Variants in ARB2A observed in about 807,000 individuals in gnomAD.
ARB2A encodes the protein ARB2 cotranscriptional regulator A.
the ARB2A span, among the ~76,000 whole-genome samples, chr5:93,808,073 T>C: frequency 6.6e-6 from 1 of 151,896 alleles, no homozygotes; most frequent in Non-Finnish European, 1.5e-5. Context: ...TCCTGCAACC[T>C]AGGGAGGGAA....
chr5:93,864,150 CATATT>C, the ARB2A span, among the ~76,000 whole-genome samples: 1 of 152,142 alleles, frequency 6.6e-6, no homozygotes, highest in Admixed American at 6.5e-5. Context: ...TCATTAACTT[CATATT>C]ATATTTCCTA....
At chr5:93,981,002 T>A in the ARB2A span, among the ~76,000 whole-genome samples, 1 of 152,108 alleles carries the variant, frequency 6.6e-6, no homozygotes, top group Non-Finnish European at 1.5e-5. Flanking sequence ...ATTTCCTTTG[T>A]CAGCCAAAGT....
At chr5:94,015,282 T>C in the ARB2A span, among the ~76,000 whole-genome samples, 29 of 152,112 alleles carry the variant, frequency 1.9e-4, no homozygotes, top group Admixed American at 1.7e-3. Flanking sequence ...CATCTAAGCA[T>C]ACTGTACCCA....
At chr5:93,850,403 TAGGTAGGTGTGC>T in the ARB2A span, among the ~76,000 whole-genome samples, 1 of 152,022 alleles carries the variant, frequency 6.6e-6, no homozygotes, top group Admixed American at 6.6e-5. Context: ...GAGAAAGACG[TAGGTAGGTGTGC>T]AGGTATGTAC....
chr5:93,750,311 C>T, the ARB2A span, among the ~76,000 whole-genome samples: 2 of 152,068 alleles, frequency 1.3e-5, no homozygotes, highest in East Asian at 1.9e-4. Context: ...TTTGTATGTG[C>T]TTGATATTGT....
At chr5:93,694,518 A>G in the ARB2A span, among the ~76,000 whole-genome samples, 5 of 152,192 alleles carry the variant, frequency 3.3e-5, no homozygotes, top group African/African-American at 1.2e-4. Flanking sequence ...ACTACAAACC[A>G]CTGCTCAAGG....
chr5:93,663,882 A>C, the ARB2A span, among the ~76,000 whole-genome samples: 1 of 152,176 alleles, frequency 6.6e-6, no homozygotes, highest in African/African-American at 2.4e-5. Context: ...TCTAAATATA[A>C]TTTCTTCAAT....
chr5:93,841,308 C>A, the ARB2A span, among the ~76,000 whole-genome samples: 5 of 152,066 alleles, frequency 3.3e-5, no homozygotes, highest in Non-Finnish European at 7.4e-5. Flanking sequence ...CCCAACATGG[C>A]CAGACTTTAT....
At chr5:94,051,143 C>T in the ARB2A span, among the ~76,000 whole-genome samples, 4 of 152,228 alleles carry the variant, frequency 2.6e-5, no homozygotes, top group East Asian at 7.7e-4. Flanking sequence ...GGGCCCAGTC[C>T]TCAAGAAGCT....
chr5:93,760,601 A>T, the ARB2A span, among the ~76,000 whole-genome samples: 814 of 152,318 alleles, frequency 5.3e-3, 5 homozygotes, highest in African/African-American at 0.018. Flanking sequence ...AAATTCAAAT[A>T]CTTACAGCCA....
chr5:93,834,876 A>G, the ARB2A span, among the ~76,000 whole-genome samples: 2 of 152,148 alleles, frequency 1.3e-5, no homozygotes, highest in African/African-American at 2.4e-5. Flanking sequence ...ATTCAATAGG[A>G]AAGGCTTTCT....
the ARB2A span, among the ~76,000 whole-genome samples, chr5:93,820,294 T>A: frequency 6.6e-6 from 1 of 152,188 alleles, no homozygotes; most frequent in Non-Finnish European, 1.5e-5. Flanking sequence ...TAAACCCTGT[T>A]AATTTCCAAA....
the ARB2A span, among the ~76,000 whole-genome samples, chr5:93,820,748 G>A: frequency 6.6e-6 from 1 of 152,078 alleles, no homozygotes; most frequent in African/African-American, 2.4e-5. Context: ...ATCAATTCAT[G>A]AGATGAAACA....
the ARB2A span, among the ~76,000 whole-genome samples, chr5:93,622,813 C>G: frequency 6.6e-6 from 1 of 152,112 alleles, no homozygotes; most frequent in African/African-American, 2.4e-5. Flanking sequence ...TCCTAAAGTG[C>G]TAGGTGGATT....
At chr5:93,776,247 C>G in the ARB2A span, 8 of 1,604,952 alleles carry the variant, frequency 5.0e-6, no homozygotes, top group African/African-American at 1.1e-4. Flanking sequence ...AACAGTTCTG[C>G]AATGTAATAG....
the ARB2A span, among the ~76,000 whole-genome samples, chr5:94,030,342 C>T: frequency 4.6e-5 from 7 of 152,212 alleles, no homozygotes; most frequent in African/African-American, 1.4e-4. Context: ...CTGGGGTCTG[C>T]GTCCAAGATC....
the ARB2A span, among the ~76,000 whole-genome samples, chr5:93,772,116 C>T: frequency 2.0e-5 from 3 of 152,316 alleles, no homozygotes; most frequent in East Asian, 1.9e-4. Flanking sequence ...CCATGGAATA[C>T]TATGCAGCCG....
the ARB2A span, among the ~76,000 whole-genome samples, chr5:93,628,268 C>A: frequency 1.3e-5 from 2 of 152,038 alleles, no homozygotes; most frequent in South Asian, 4.1e-4. Context: ...CCAAGATGGT[C>A]TCGATCTCTT....
At chr5:93,758,658 C>A in the ARB2A span, among the ~76,000 whole-genome samples, 1 of 151,976 alleles carries the variant, frequency 6.6e-6, no homozygotes, top group Non-Finnish European at 1.5e-5. Context: ...GGGTCAAAAA[C>A]AAAATCAAGA....
Sources: gnomAD v4.1 joint callset for allele counts (sites outside exome capture counted in the v4.1 genomes callset) on GRCh38, gnomAD v4.1.1 for gene constraint, MANE v1.5 for transcripts, NCBI Gene and HGNC (gene_info 2026-07-23, HGNC 2026-07-21) for gene names.